Variants in KCNAB1 observed in about 807,000 individuals in gnomAD.
KCNAB1 encodes the protein potassium voltage-gated channel subfamily A regulatory beta subunit 1.
KCNAB1 carries 35 observed loss-of-function variants against 64.6 expected under a neutral mutation model. That is an observed-to-expected ratio of 0.54 (90% CI 0.41 to 0.72). The LOEUF (loss-of-function observed/expected upper bound fraction) is 0.72, where lower values mean the gene tolerates loss of function less well. Among genes scored for constraint, KCNAB1 ranks in the 30% least tolerant of loss-of-function variants. The pLI is 0.00. For missense variants in KCNAB1, 401 were observed against 512.9 expected, an observed-to-expected ratio of 0.78 and a Z score of 2.11; for synonymous variants, 177 against 183.8, an observed-to-expected ratio of 0.96 and a Z score of 0.30.
At chr3:156,437,392 C>T (rs867107207) in intron 2 of KCNAB1, among the ~76,000 whole-genome samples, 12 of 152,174 alleles carry the variant, frequency 7.9e-5, no homozygotes, top group African/African-American at 2.9e-4. Context: ...GAGTCATCTA[C>T]AGTTAATAAA....
chr3:156,268,394 G>A (rs947967582), intron 1 of KCNAB1, among the ~76,000 whole-genome samples: 2 of 152,128 alleles, frequency 1.3e-5, no homozygotes, highest in Non-Finnish European at 2.9e-5. Flanking sequence ...CCCTAGCAGT[G>A]GAATTGCTGG....
At chr3:156,468,489 C>A (rs1247136831) in intron 7 of KCNAB1, among the ~76,000 whole-genome samples, 1 of 152,038 alleles carries the variant, frequency 6.6e-6, no homozygotes, top group Admixed American at 6.6e-5. Context: ...TCAAATCAGA[C>A]CTTTGTTCAA....
intron 7 of KCNAB1, among the ~76,000 whole-genome samples, chr3:156,469,230 CTCTTTCTT>C (rs201962265): frequency 3.0e-4 from 40 of 132,464 alleles, no homozygotes; most frequent in African/African-American, 9.4e-4. Flanking sequence ...TCAGGGTTCT[CTCTTTCTT>C]TCTTTCTTTC....
intron 1 of KCNAB1, among the ~76,000 whole-genome samples, chr3:156,302,171 C>T (rs1721191161): frequency 6.6e-6 from 1 of 152,114 alleles, no homozygotes; most frequent in African/African-American, 2.4e-5. Context: ...TCTGTCTTCA[C>T]GTCTCTTTTT....
intron 1 of KCNAB1, among the ~76,000 whole-genome samples, chr3:156,238,404 A>G (rs1716975207): frequency 6.8e-6 from 1 of 147,438 alleles, no homozygotes; most frequent in African/African-American, 2.5e-5. Context: ...CCTGGGTGAA[A>G]GAGCGAGACT....
At chr3:156,283,699 G>A (rs950791088) in intron 1 of KCNAB1, among the ~76,000 whole-genome samples, 5 of 151,550 alleles carry the variant, frequency 3.3e-5, no homozygotes, top group South Asian at 2.1e-4. Flanking sequence ...TTCCCCTCTC[G>A]CTTCATTTCA....
At chr3:156,327,017 C>T (rs934605516) in intron 1 of KCNAB1, among the ~76,000 whole-genome samples, 12 of 152,070 alleles carry the variant, frequency 7.9e-5, no homozygotes, top group South Asian at 2.1e-4. Context: ...AATACTGGCT[C>T]GCAAACCTCT....
chr3:156,154,376 C>T (rs1389444109), intron 1 of KCNAB1, among the ~76,000 whole-genome samples: 1 of 152,098 alleles, frequency 6.6e-6, no homozygotes, highest in Non-Finnish European at 1.5e-5. Context: ...TACTCTTTTC[C>T]TCATTTCGCC....
intron 8 of KCNAB1, among the ~76,000 whole-genome samples, chr3:156,500,648 G>T (rs1246151467): frequency 6.6e-6 from 1 of 152,090 alleles, no homozygotes; most frequent in East Asian, 1.9e-4. Flanking sequence ...AATTGTTTCT[G>T]ATATATAAAA....
intron 1 of KCNAB1, among the ~76,000 whole-genome samples, chr3:156,410,591 C>T (rs1714577909): frequency 1.3e-5 from 2 of 152,166 alleles, no homozygotes; most frequent in Non-Finnish European, 2.9e-5. Flanking sequence ...AGAACAGTTC[C>T]ATGAGCCCTC....
intron 1 of KCNAB1, among the ~76,000 whole-genome samples, chr3:156,258,975 C>T (rs188764253): frequency 3.3e-5 from 5 of 152,322 alleles, no homozygotes; most frequent in East Asian, 1.9e-4. Flanking sequence ...TGGAACGATT[C>T]GGCTTCCAAT....
chr3:156,183,041 A>G (rs1043380341), intron 1 of KCNAB1, among the ~76,000 whole-genome samples: 3 of 152,168 alleles, frequency 2.0e-5, no homozygotes, highest in African/African-American at 7.2e-5. Flanking sequence ...AGCCTTTAAT[A>G]TATTTTTTAC....
At chr3:156,441,258 T>C (rs1192277280) in intron 2 of KCNAB1, 4 of 152,168 alleles carry the variant, frequency 2.6e-5, no homozygotes, top group Non-Finnish European at 5.9e-5. Context: ...CTCAAAATTA[T>C]TACTGTTTGG....
Position 156,144,094 on chromosome 3 carries a change from T to G in KCNAB1, c.275+23208T>G, listed in dbSNP as rs546730138. Among the ~76,000 whole-genome samples, 137 of 152,296 alleles carry G rather than the reference T, an allele frequency of 9.0e-4. 1 individual carries two copies. Among genetic ancestry groups the G allele is most frequent in the African/African-American group, 3.1e-3 (128 of 41,572 alleles). The stretch of plus-strand genomic sequence containing the variant: ...ATAAGTTGCTCTGTGATGGGAAGAA[T>G]CTTTCCTATTCAGAGCAATTATTGC... On this transcript the variant is annotated intron_variant, in intron 1 of 13. Transcript: ENST00000490337.
At chr3:156,300,035 TA>T (rs1288196002) in intron 1 of KCNAB1, among the ~76,000 whole-genome samples, 1 of 151,882 alleles carries the variant, frequency 6.6e-6, no homozygotes, top group Non-Finnish European at 1.5e-5. Flanking sequence ...TATAAAAGAT[TA>T]AAAAACAAGA....
intron 1 of KCNAB1, among the ~76,000 whole-genome samples, chr3:156,271,689 C>T (rs565782837): frequency 1.3e-5 from 2 of 152,172 alleles, no homozygotes; most frequent in South Asian, 2.1e-4. Flanking sequence ...AGGATTGGTC[C>T]CTGGTGCCTT....
chr3:156,281,678 C>T (rs982048594), intron 1 of KCNAB1, among the ~76,000 whole-genome samples: 26 of 151,750 alleles, frequency 1.7e-4, no homozygotes, highest in African/African-American at 6.0e-4. Context: ...TCAACTTCTT[C>T]CTGGTTTAGT....
intron 7 of KCNAB1, among the ~76,000 whole-genome samples, chr3:156,468,519 T>C (rs1713606719): frequency 6.6e-6 from 1 of 152,212 alleles, no homozygotes; most frequent in African/African-American, 2.4e-5. Flanking sequence ...CTGTGATTTA[T>C]GAGCTGGTGA....
At chr3:156,279,063 C>G (rs924142771) in intron 1 of KCNAB1, among the ~76,000 whole-genome samples, 20 of 151,160 alleles carry the variant, frequency 1.3e-4, no homozygotes, top group African/African-American at 4.6e-4. Context: ...TGCGCTTCAC[C>G]CACTAACTCA....
Sources: gnomAD v4.1 joint callset for allele counts (sites outside exome capture counted in the v4.1 genomes callset) on GRCh38, gnomAD v4.1.1 for gene constraint, MANE v1.5 for transcripts, NCBI Gene and HGNC (gene_info 2026-07-23, HGNC 2026-07-21) for gene names.